RPS6KC1: variants seen among roughly 807,000 people sequenced by gnomAD.
RPS6KC1 encodes ribosomal protein S6 kinase C1.
Under a neutral mutation model 103.8 loss-of-function variants are expected in RPS6KC1, and 54 were observed. The observed-to-expected ratio is 0.52, with a 90% CI of 0.42 to 0.65. The LOEUF is 0.65. RPS6KC1 is among the 30% of genes least tolerant of loss of function. The pLI is 0.00. For synonymous variants in RPS6KC1, 439 were observed against 438.7 expected (o/e 1.00, Z -0.01); for missense variants, 1,151 against 1,253.8 (o/e 0.92, Z 1.24).
At chr1:213,807,947 GC>G in the RPS6KC1 span, among the ~76,000 whole-genome samples, 2 of 152,140 alleles carry the variant, frequency 1.3e-5, no homozygotes, top group Non-Finnish European at 2.9e-5. Context: ...TGTACAGATG[GC>G]TTTTTAGTGT....
At chr1:213,861,336 G>A in the RPS6KC1 span, among the ~76,000 whole-genome samples, 1 of 152,130 alleles carries the variant, frequency 6.6e-6, no homozygotes, top group African/African-American at 2.4e-5. Flanking sequence ...AGAATACAGG[G>A]AGAAGGCCCC....
chr1:213,598,940 C>A, the RPS6KC1 span, among the ~76,000 whole-genome samples: 6,311 of 151,828 alleles, frequency 0.042, 308 homozygotes, highest in East Asian at 0.27. Flanking sequence ...AAAACAAAAC[C>A]AAAAAAACTG....
At chr1:213,696,967 CAA>C in the RPS6KC1 span, among the ~76,000 whole-genome samples, 1 of 152,232 alleles carries the variant, frequency 6.6e-6, no homozygotes, top group Non-Finnish European at 1.5e-5. Flanking sequence ...CGCAAGTAGA[CAA>C]GAGGCTGTCA....
At chr1:213,712,332 C>T in the RPS6KC1 span, among the ~76,000 whole-genome samples, 1 of 152,190 alleles carries the variant, frequency 6.6e-6, no homozygotes, top group Non-Finnish European at 1.5e-5. Flanking sequence ...AAACCACCTA[C>T]TCAACCCTCA....
At chr1:213,314,851 TTATGAGAGA>T in the RPS6KC1 span, among the ~76,000 whole-genome samples, 13 of 152,258 alleles carry the variant, frequency 8.5e-5, no homozygotes, top group South Asian at 1.2e-3. Context: ...AAGGACTTAA[TTATGAGAGA>T]TACTCCAATT....
the RPS6KC1 span, among the ~76,000 whole-genome samples, chr1:213,406,766 G>A: frequency 1.3e-5 from 2 of 152,154 alleles, no homozygotes; most frequent in Non-Finnish European, 2.9e-5. Flanking sequence ...GATGACTTAG[G>A]AATGATGATG....
the RPS6KC1 span, among the ~76,000 whole-genome samples, chr1:213,358,115 C>T: frequency 6.6e-6 from 1 of 151,714 alleles, no homozygotes; most frequent in Non-Finnish European, 1.5e-5. Context: ...TGTGTCTCTG[C>T]CAGGCTTTGG....
At chr1:213,694,079 C>T in the RPS6KC1 span, among the ~76,000 whole-genome samples, 755 of 152,330 alleles carry the variant, frequency 5.0e-3, 5 homozygotes, top group African/African-American at 0.017. Flanking sequence ...TGAGTGTCTC[C>T]TTTGTCTAAC....
chr1:213,789,945 A>G, the RPS6KC1 span, among the ~76,000 whole-genome samples: 1 of 152,196 alleles, frequency 6.6e-6, no homozygotes, highest in Non-Finnish European at 1.5e-5. Context: ...TCTTAAATTA[A>G]CAACTTTCAA....
intron 6 of RPS6KC1, among the ~76,000 whole-genome samples, chr1:213,151,904 C>T (rs182673203): frequency 0.45 from 40,687 of 89,788 alleles, 11,241 homozygotes; most frequent in Non-Finnish European, 0.6. Context: ...CCCTCCAAGA[C>T]GGGGCGGCTG....
At position 213,121,527 on chromosome 1, in the gene RPS6KC1, TTATG is replaced by T. The variant is rs1478903687; in HGVS notation, c.472+4119_472+4122del. Among the ~76,000 whole-genome samples the T allele has an allele frequency of 3.9e-5, 6 of 152,350 alleles. No individual in the cohort carries two copies. The East Asian group carries it at 7.7e-4, about 20-fold the overall frequency. The stretch of plus-strand genomic sequence containing the variant: ...TTATTTCTATTATGTCTATTTCAAC[TTATG>T]TCTTTTCCTTGAATTAAATTTAGCC... On this transcript the variant is annotated intron_variant, in intron 5 of 14. Coordinates refer to ENST00000366960, the MANE Select transcript of RPS6KC1 (RefSeq NM_012424.6).
chr1:213,621,300 A>G, the RPS6KC1 span, among the ~76,000 whole-genome samples: 1 of 152,020 alleles, frequency 6.6e-6, no homozygotes, highest in South Asian at 2.1e-4. Context: ...GACTAGAACA[A>G]TAGATACGGC....
At chr1:213,277,238 C>T (rs756320480), downstream of RPS6KC1, among the ~76,000 whole-genome samples, 1 of 152,234 alleles carries the variant, frequency 6.6e-6, no homozygotes, top group Non-Finnish European at 1.5e-5. Flanking sequence ...GCATCACTTA[C>T]TCTCTCAAGG....
chr1:213,380,423 C>G, the RPS6KC1 span, among the ~76,000 whole-genome samples: 107 of 152,192 alleles, frequency 7.0e-4, no homozygotes, highest in Middle Eastern at 3.4e-3. Flanking sequence ...AACAAACCCC[C>G]ATGATATACA....
chr1:213,738,002 T>G, the RPS6KC1 span, among the ~76,000 whole-genome samples: 5 of 152,160 alleles, frequency 3.3e-5, no homozygotes, highest in Non-Finnish European at 5.9e-5. Context: ...GAATATAATG[T>G]CTCCAAGGTG....
chr1:213,651,118 A>G, the RPS6KC1 span, among the ~76,000 whole-genome samples: 4 of 151,462 alleles, frequency 2.6e-5, no homozygotes, highest in Non-Finnish European at 5.9e-5. Context: ...AGACCCCCAG[A>G]ATGGGGAGCC....
At chr1:213,488,641 G>T in the RPS6KC1 span, among the ~76,000 whole-genome samples, 1 of 152,202 alleles carries the variant, frequency 6.6e-6, no homozygotes, top group African/African-American at 2.4e-5. Context: ...TATGCGAATT[G>T]CTAAGCACCT....
At chr1:213,831,725 AG>A in the RPS6KC1 span, among the ~76,000 whole-genome samples, 3 of 152,196 alleles carry the variant, frequency 2.0e-5, no homozygotes, top group Non-Finnish European at 4.4e-5. Context: ...CTTATCTCTA[AG>A]ATTGAAATCA....
the RPS6KC1 span, among the ~76,000 whole-genome samples, chr1:213,694,832 A>G: frequency 1.3e-5 from 2 of 152,214 alleles, no homozygotes; most frequent in Non-Finnish European, 2.9e-5. Context: ...CATATGTTCA[A>G]CAAGCATTTG....
Sources: gnomAD v4.1 joint callset for allele counts (sites outside exome capture counted in the v4.1 genomes callset) on GRCh38, gnomAD v4.1.1 for gene constraint, MANE v1.5 for transcripts, NCBI Gene and HGNC (gene_info 2026-07-23, HGNC 2026-07-21) for gene names.